The following TCF20 variants were observed in gnomAD, a reference collection of about 807,000 sequenced individuals.
TCF20 encodes the protein transcription factor 20, also known as SPRE-binding protein.
TCF20 carries 3 observed loss-of-function variants against 148.6 expected under a neutral mutation model. The ratio of observed to expected loss-of-function variants is 0.02; its 90% CI spans 0.01 to 0.05. TCF20 has a LOEUF of 0.05. Among genes scored for constraint, TCF20 ranks in the 10% least tolerant of loss-of-function variants. The pLI is 1.00. For synonymous variants in TCF20, 1,049 were observed against 909.5 expected (o/e 1.15, Z -2.76); for missense variants, 2,350 against 2,429.3 (o/e 0.97, Z 0.69).
At chr22:42,176,760 G>C (rs535915754) in intron 3 of TCF20, among the ~76,000 whole-genome samples, 1 of 152,174 alleles carries the variant, frequency 6.6e-6, no homozygotes, top group Non-Finnish European at 1.5e-5. Flanking sequence ...GTTAAAAGCT[G>C]CATGTTCTCG....
At chr22:42,266,715 G>T (rs1266745878) in intron 1 of TCF20, among the ~76,000 whole-genome samples, 2 of 151,986 alleles carry the variant, frequency 1.3e-5, no homozygotes, top group African/African-American at 4.8e-5. Context: ...GAAAGAGAAG[G>T]TTGCAGTGAG....
chr22:42,334,925 AGCAGG>A (rs1313939235), intron 1 of TCF20, among the ~76,000 whole-genome samples: 1 of 152,118 alleles, frequency 6.6e-6, no homozygotes, highest in African/African-American at 2.4e-5. Context: ...GGATGGATCT[AGCAGG>A]GCCTCAGGAT....
In TCF20 at chr22:42,213,060, A is replaced by C; in HGVS notation, c.2246T>G (p.Phe749Cys). The C allele has an allele frequency of 6.2e-7, 1 of 1,613,984 alleles. No individual in the cohort carries two copies. ...HGERKGRNEK[F>C]PSLLQEVLQG... ...AAGCACTTCCTGCAGGAGGCTTGGGAATTTTTCATTTCTACCCTTTCGTTC... is the reference window on the plus strand; with the variant it reads ...AAGCACTTCCTGCAGGAGGCTTGGGCATTTTTCATTTCTACCCTTTCGTTC... The change falls in exon 2 of 6, where the codon TTC becomes TGC. Residue 749 changes from phenylalanine (F) to cysteine (C), a missense_variant. By Grantham distance (205) the Phe-to-Cys change is radical (BLOSUM62 -2). Transcript: ENST00000677622.
chr22:42,216,924 G>C (rs1393425836), intron 1 of TCF20, among the ~76,000 whole-genome samples: 1 of 152,118 alleles, frequency 6.6e-6, no homozygotes, highest in African/African-American at 2.4e-5. Flanking sequence ...TGCTCCAAGT[G>C]ACTTTAGAAC....
intron 1 of TCF20, among the ~76,000 whole-genome samples, chr22:42,236,348 G>T (rs1228022279): frequency 2.0e-5 from 3 of 152,138 alleles, no homozygotes; most frequent in African/African-American, 7.2e-5. Context: ...AGTTAGGAAA[G>T]ATCCCACACC....
chr22:42,329,680 G>T (rs1927935327), intron 1 of TCF20, among the ~76,000 whole-genome samples: 1 of 152,240 alleles, frequency 6.6e-6, no homozygotes. Flanking sequence ...AGGGCTGAGA[G>T]GGTGGCCTAG....
upstream of TCF20, among the ~76,000 whole-genome samples, chr22:42,284,570 C>G (rs534968964): frequency 1.4e-4 from 21 of 152,352 alleles, no homozygotes; most frequent in African/African-American, 4.6e-4. Context: ...GAAGGGCTAG[C>G]TGGGCAGCTC....
At chr22:42,184,628 G>A (rs778219752) in intron 2 of TCF20, among the ~76,000 whole-genome samples, 1 of 152,062 alleles carries the variant, frequency 6.6e-6, no homozygotes, top group Non-Finnish European at 1.5e-5. Flanking sequence ...TTCACTCCAA[G>A]CAGAGGTAAG....
At chr22:42,236,765 C>G (rs1266048181) in intron 1 of TCF20, among the ~76,000 whole-genome samples, 2 of 152,108 alleles carry the variant, frequency 1.3e-5, no homozygotes, top group Non-Finnish European at 1.5e-5. Context: ...CAGACCGTGG[C>G]AATAAAGCGA....
rs371071440 is a variant in TCF20, at chr22:42,211,958, C to G, written c.3348G>C (p.Gln1116His). ...GCCTTGGACTCTTCCGTGGCCCCTC[C>G]TGCCTGTGCTGTGCTGCAGCAATTA... is the stretch of plus-strand genomic sequence containing the variant. ...QGVIAAAQHR[Q>H]EGPRKSPRQQ... The change falls in exon 2 of 6, where the codon CAG (glutamine) becomes CAC (histidine). Residue 1116 changes from glutamine to histidine, a missense_variant. Coordinates refer to ENST00000677622, the MANE Select transcript of TCF20 (RefSeq NM_001378418.1). The G allele has an allele frequency of 8.1e-6, 13 of 1,614,108 alleles. No homozygotes were observed. In the African/African-American group the frequency reaches 1.7e-4, roughly 22 times the overall value.
chr22:42,180,836 G>A (rs1315306347), intron 2 of TCF20, among the ~76,000 whole-genome samples: 5 of 152,216 alleles, frequency 3.3e-5, no homozygotes, highest in African/African-American at 9.6e-5. Flanking sequence ...CCAGGTCAGA[G>A]CTGAGATTCT....
intron 2 of TCF20, among the ~76,000 whole-genome samples, chr22:42,201,613 C>A (rs1938028043): frequency 6.6e-6 from 1 of 151,974 alleles, no homozygotes; most frequent in Non-Finnish European, 1.5e-5. Flanking sequence ...ACTAAAAATA[C>A]AAAAATTAGC....
At chr22:42,196,014 G>A (rs2067007727) in intron 2 of TCF20, among the ~76,000 whole-genome samples, 1 of 152,210 alleles carries the variant, frequency 6.6e-6, no homozygotes, top group Non-Finnish European at 1.5e-5. Context: ...AATCAGATAA[G>A]CTGGTAGTCA....
intron 1 of TCF20, among the ~76,000 whole-genome samples, chr22:42,240,137 C>T (rs566215805): frequency 3.5e-4 from 54 of 152,298 alleles, no homozygotes; most frequent in African/African-American, 1.2e-3. Flanking sequence ...CAGCCACCCA[C>T]GAGGTAGGTA....
At chr22:42,234,502 T>G (rs1923702764) in intron 1 of TCF20, among the ~76,000 whole-genome samples, 1 of 152,144 alleles carries the variant, frequency 6.6e-6, no homozygotes, top group Admixed American at 6.5e-5. Flanking sequence ...ACACAGGAGT[T>G]AGGAGGAGCG....
At chr22:42,302,158 CT>C (rs1169874015) in intron 1 of TCF20, among the ~76,000 whole-genome samples, 1 of 152,198 alleles carries the variant, frequency 6.6e-6, no homozygotes, top group African/African-American at 2.4e-5. Flanking sequence ...GGGCAGGTGC[CT>C]TGATGCTGCC....
intron 2 of TCF20, among the ~76,000 whole-genome samples, 177 bp downstream of exon 2, chr22:42,209,474 G>T (rs1429453537): frequency 6.6e-6 from 1 of 152,148 alleles, no homozygotes; most frequent in Non-Finnish European, 1.5e-5. Context: ...AATGAAAAAC[G>T]ATTTTAGAAG....
Position 42,211,433 on chromosome 22 carries a change from G to A in TCF20, c.3873C>T (p.Gly1291=), listed in dbSNP as rs369173064. ...CATAGGAATTGAATGCTTTATCAGC[G>A]CCTTCTTTTGATGAGTGAAGGAGGC... ...KGRLLHSSKE[G]ADKAFNSYAH... is the part of the protein sequence containing the mutation. The change falls in exon 2 of 6, where the codon GGC becomes GGT. Residue 1291 remains glycine, a synonymous_variant. Transcript: ENST00000677622. 1.1e-5 allele frequency: 17 copies of A among 1,614,028 alleles called. No individual in the cohort carries two copies. In the African/African-American group the frequency reaches 1.1e-4, roughly 10 times the overall value.
At position 42,214,513 on chromosome 22, in the gene TCF20, T is replaced by G; in HGVS notation, c.793A>C (p.Asn265His). ...QSGQSYDGSY[N>H]VNAGSQYEGH... ...TCATACTGAGATCCAGCATTCACAT[T>G]GTAACTGCCATCATAGCTCTGTCCA... Residue 265 changes from asparagine to histidine, a missense_variant, in exon 2 of 6, where the codon AAT (asparagine) becomes CAT (histidine). Coordinates refer to ENST00000677622, the MANE Select transcript of TCF20 (RefSeq NM_001378418.1). 1 of 1,614,136 alleles carries G rather than the reference T, an allele frequency of 6.2e-7. No homozygotes were observed. Among genetic ancestry groups the G allele is most frequent in the African/African-American group, 1.3e-5 (1 of 75,018 alleles).
Sources: allele counts gnomAD v4.1 joint callset (sites outside exome capture counted in the v4.1 genomes callset), GRCh38; gene constraint gnomAD v4.1.1; transcripts MANE v1.5; gene names NCBI Gene and HGNC (gene_info 2026-07-23, HGNC 2026-07-21).